FRMD3: variants seen among roughly 807,000 people sequenced by gnomAD.
The protein encoded by FRMD3 is FERM domain-containing protein 3.
In FRMD3, 33 loss-of-function variants were observed where a neutral mutation model predicts 70.2. That is an observed-to-expected ratio of 0.47 (90% CI 0.36 to 0.63). FRMD3 has a LOEUF of 0.63. FRMD3 is among the 20% of genes least tolerant of loss of function. FRMD3 has a pLI of 0.00. For missense variants in FRMD3, 632 were observed against 711.4 expected (o/e 0.89, Z 1.27); for synonymous variants, 279 against 255.9 (o/e 1.09, Z -0.86).
chr9:83,346,266 A>C lies in FRMD3; in HGVS notation c.375-2979T>G, dbSNP rs566056185. 1.3e-4 allele frequency among the ~76,000 whole-genome samples: 19 copies of C among 150,590 alleles called. 1 individual carries two copies. In the East Asian group the frequency reaches 3.3e-3, roughly 26 times the overall value. ...GCAAGACGCCATCTCAAAAAAAAAA[A>C]AAAAAAAAAAAAAGTGCAAACAAGC... On this transcript the variant is annotated intron_variant, in intron 4 of 13. Coordinates refer to ENST00000304195, the MANE Select transcript of FRMD3 (RefSeq NM_174938.6).
chr9:83,438,255 T>A (rs1456845309), intron 1 of FRMD3, among the ~76,000 whole-genome samples: 1 of 152,128 alleles, frequency 6.6e-6, no homozygotes, highest in Non-Finnish European at 1.5e-5. Context: ...AACCCAGAAA[T>A]TCCAGCTTTT....
At chr9:83,424,721 G>A (rs904062627) in intron 1 of FRMD3, among the ~76,000 whole-genome samples, 10 of 152,136 alleles carry the variant, frequency 6.6e-5, no homozygotes, top group Non-Finnish European at 1.2e-4. Context: ...TAACTCACAC[G>A]GTTTCATCTT....
At position 83,370,326 on chromosome 9, in the gene FRMD3, A is replaced by G. The variant is rs1160603195; in HGVS notation, c.295+2587T>C. 4.6e-5 allele frequency among the ~76,000 whole-genome samples: 7 copies of G among 152,348 alleles called. No homozygotes were observed. The East Asian group carries it at 1.3e-3, about 29-fold the overall frequency. On this transcript the variant is annotated intron_variant, in intron 3 of 13. Transcript: ENST00000304195. ...AAGTTAATATTTCTAGGGCATATGT[A>G]CAAGAACACAGAAATTCTTCATACT...
rs867355039 is a variant in FRMD3 at position 83,293,455 on chromosome 9, C to A, written c.1071-2728G>T. ...CATGCCAGCTGGACTGGCTGCTGTT[C>A]CTATCCCCAGGAATCACTGCTTATG... On this transcript the variant is annotated intron_variant, in intron 12 of 13. Transcript: ENST00000304195. Among the ~76,000 whole-genome samples, 19 of 152,170 alleles carry A rather than the reference C, an allele frequency of 1.2e-4. No individual in the cohort carries two copies. In the South Asian group the frequency reaches 1.4e-3, roughly 12 times the overall value.
At position 83,244,875 on chromosome 9, in the gene FRMD3, AG is replaced by A. The variant is rs1262464963; in HGVS notation, c.*3042del. ...ACATTTTACAATATTTTTCAAGCAC[AG>A]ACAAATACATACTTTACTTTACCTA... On this transcript the variant is annotated 3_prime_UTR_variant, in exon 14 of 14. Transcript: ENST00000304195. 1.2e-5 allele frequency: 12 copies of A among 983,014 alleles called. No homozygotes were observed. Among genetic ancestry groups the A allele is most frequent in the Non-Finnish European group, 1.4e-5 (12 of 829,468 alleles). 60.9% of individuals were successfully genotyped at this position (983,014 alleles called of 1,614,324 possible). A position where few individuals can be genotyped will look rare whatever the true frequency, so the allele number is the denominator to read the frequency against.
intron 1 of FRMD3, among the ~76,000 whole-genome samples, chr9:83,412,635 C>A (rs1434212789): frequency 1.3e-5 from 2 of 152,208 alleles, no homozygotes; most frequent in African/African-American, 4.8e-5. Flanking sequence ...CGCAACCAAC[C>A]AGAGGAGTAG....
At chr9:83,415,713 G>C (rs1039639607) in intron 1 of FRMD3, among the ~76,000 whole-genome samples, 2 of 149,880 alleles carry the variant, frequency 1.3e-5, no homozygotes, top group African/African-American at 4.9e-5. Context: ...ACCTGCCTCG[G>C]CCTCCCAAAT....
chr9:83,575,697 T>G, the FRMD3 span, among the ~76,000 whole-genome samples: 1 of 152,164 alleles, frequency 6.6e-6, no homozygotes, highest in East Asian at 1.9e-4. Flanking sequence ...TGAAACTGAC[T>G]AAAGAAGAAA....
Position 83,389,629 on chromosome 9 carries a change from C to T in FRMD3, c.227G>A (p.Arg76His). ...CCTTTGCTTCTCTGGGTCCACATAGCGAATGCCAAAGTAGTCCTTCTCCAG... is the reference window on the plus strand; with the variant it reads ...CCTTTGCTTCTCTGGGTCCACATAGTGAATGCCAAAGTAGTCCTTCTCCAG... ...SLLEKDYFGI[R>H]YVDPEKQRHW... The change falls in exon 2 of 14, where the codon CGC becomes CAC. Residue 76 changes from arginine to histidine, a missense_variant. Physicochemically the swap from Arg to His is conservative, Grantham distance 29. This residue lies in a region of FRMD3 where 208 missense variants were observed against 247.7 expected (regional missense o/e 0.84). Transcript: ENST00000304195. The T allele has an allele frequency of 1.1e-5, 17 of 1,613,552 alleles. No individual in the cohort carries two copies. The highest frequency in any genetic ancestry group is 1.3e-5 in the African/African-American group (1 of 74,992).
intron 1 of FRMD3, among the ~76,000 whole-genome samples, chr9:83,468,924 TTCCAGC>T (rs1368924266): frequency 8.5e-5 from 13 of 152,150 alleles, no homozygotes; most frequent in Non-Finnish European, 1.6e-4. Flanking sequence ...TGGCTTTGAC[TTCCAGC>T]TCCACCTTGA....
At chr9:83,481,320 T>C (rs770341204) in intron 1 of FRMD3, among the ~76,000 whole-genome samples, 4 of 152,236 alleles carry the variant, frequency 2.6e-5, no homozygotes, top group Admixed American at 6.5e-5. Context: ...AATCCAGTTT[T>C]GTAGCTAGAG....
At chr9:83,520,529 T>C (rs1475393355) in intron 1 of FRMD3, among the ~76,000 whole-genome samples, 1 of 152,210 alleles carries the variant, frequency 6.6e-6, no homozygotes, top group Non-Finnish European at 1.5e-5. Flanking sequence ...TGTGTAACTA[T>C]GTAAACAAAT....
intron 1 of FRMD3, among the ~76,000 whole-genome samples, chr9:83,503,773 C>T (rs1829123740): frequency 6.6e-6 from 1 of 152,214 alleles, no homozygotes; most frequent in Non-Finnish European, 1.5e-5. Flanking sequence ...TCCAGGGCCA[C>T]ATCTCCACCA....
intron 1 of FRMD3, among the ~76,000 whole-genome samples, chr9:83,431,024 GC>G (rs1342285513): frequency 6.6e-6 from 1 of 152,192 alleles, no homozygotes; most frequent in African/African-American, 2.4e-5. Context: ...TGGTATTAGA[GC>G]CCTGTGATAG....
chr9:83,489,432 A>G (rs1281226246), intron 1 of FRMD3, among the ~76,000 whole-genome samples: 1 of 152,216 alleles, frequency 6.6e-6, no homozygotes, highest in African/African-American at 2.4e-5. Flanking sequence ...CAACCCCATT[A>G]AAAAATGAAT....
intron 1 of FRMD3, among the ~76,000 whole-genome samples, chr9:83,419,860 C>A (rs1272192140): frequency 1.3e-5 from 2 of 152,164 alleles, no homozygotes; most frequent in African/African-American, 2.4e-5. Context: ...CATTATTATT[C>A]TTTTAAAGCA....
At chr9:83,325,796 GATTT>G (rs1835989951) in intron 6 of FRMD3, among the ~76,000 whole-genome samples, 1 of 152,166 alleles carries the variant, frequency 6.6e-6, no homozygotes, top group Non-Finnish European at 1.5e-5. Flanking sequence ...CCTGCCGCCT[GATTT>G]TGTACAGCCC....
chr9:83,309,715 T>C, intron 9 of FRMD3, 91 bp from the exon 10 acceptor site: 1 of 692,084 alleles, frequency 1.4e-6, no homozygotes, highest in Non-Finnish European at 2.5e-6. Context: ...TACCTCTTTG[T>C]ATCCTATCTC....
At chr9:83,485,763 T>G (rs1441367842) in intron 1 of FRMD3, among the ~76,000 whole-genome samples, 1 of 152,160 alleles carries the variant, frequency 6.6e-6, no homozygotes, top group African/African-American at 2.4e-5. Flanking sequence ...AGACCCAACT[T>G]TCAACTCCAT....
Sources: gnomAD v4.1 joint callset for allele counts (sites outside exome capture counted in the v4.1 genomes callset) on GRCh38, gnomAD v4.1.1 for gene constraint, gnomAD v4.1.1 regional missense constraint, MANE v1.5 for transcripts, NCBI Gene and HGNC (gene_info 2026-07-23, HGNC 2026-07-21) for gene names.